The following GPHN variants were observed in gnomAD, a reference collection of about 807,000 sequenced individuals.
GPHN encodes the protein gephyrin.
In GPHN, 17 loss-of-function variants were observed where a neutral mutation model predicts 95.5. The ratio of observed to expected loss-of-function variants is 0.18; its 90% confidence interval spans 0.12 to 0.27. The LOEUF is 0.27. Ranked by LOEUF, GPHN falls within the 10% of genes least tolerant of loss-of-function variation. The pLI is 1.00. For missense variants in GPHN, 660 were observed against 978.1 expected (o/e 0.67, Z 4.34); for synonymous variants, 320 against 322.5 (o/e 0.99, Z 0.08).
intron 4 of GPHN, among the ~76,000 whole-genome samples, chr14:66,866,532 G>A (rs1596203282): frequency 6.6e-6 from 1 of 152,060 alleles, no homozygotes; most frequent in African/African-American, 2.4e-5. Flanking sequence ...TTAATGTTTA[G>A]ATAAAAGTTA....
At chr14:66,946,339 G>A (rs929710351) in intron 8 of GPHN, among the ~76,000 whole-genome samples, 1 of 151,948 alleles carries the variant, frequency 6.6e-6, no homozygotes, top group African/African-American at 2.4e-5. Flanking sequence ...CTAGGTAAAG[G>A]CATTAATCAC....
the GPHN span, among the ~76,000 whole-genome samples, chr14:67,249,774 G>A: frequency 4.6e-5 from 7 of 152,162 alleles, no homozygotes; most frequent in Non-Finnish European, 8.8e-5. Flanking sequence ...GTTTGAGAAT[G>A]TAACTTAAAA....
the GPHN span, among the ~76,000 whole-genome samples, chr14:67,672,384 G>A: frequency 6.6e-6 from 1 of 151,620 alleles, no homozygotes; most frequent in East Asian, 1.9e-4. Context: ...TTCCCCAAGT[G>A]CTGGGATTAC....
At chr14:67,497,757 GAA>G in the GPHN span, among the ~76,000 whole-genome samples, 1 of 151,958 alleles carries the variant, frequency 6.6e-6, no homozygotes, top group East Asian at 1.9e-4. Context: ...CAGCATTTTG[GAA>G]AGTCACGTCA....
At chr14:67,068,462 A>T (rs2076155268) in intron 11 of GPHN, among the ~76,000 whole-genome samples, 1 of 152,194 alleles carries the variant, frequency 6.6e-6, no homozygotes, top group Non-Finnish European at 1.5e-5. Flanking sequence ...TTTATTTGTA[A>T]AATGCATGAC....
chr14:67,504,233 C>T, the GPHN span, among the ~76,000 whole-genome samples: 1 of 151,920 alleles, frequency 6.6e-6, no homozygotes, highest in East Asian at 1.9e-4. Context: ...AGGTTGGTCT[C>T]GGACTTCTGA....
chr14:66,751,730 A>G (rs868804794), intron 2 of GPHN, among the ~76,000 whole-genome samples: 1 of 152,024 alleles, frequency 6.6e-6, no homozygotes, highest in South Asian at 2.1e-4. Context: ...TAATTCTTGA[A>G]GACCCTAGTA....
intron 4 of GPHN, among the ~76,000 whole-genome samples, chr14:66,836,778 G>A (rs1425483126): frequency 6.6e-6 from 1 of 151,906 alleles, no homozygotes; most frequent in African/African-American, 2.4e-5. Flanking sequence ...CAAAAAGAGG[G>A]CGAAGGACAT....
At chr14:66,714,901 G>A (rs530898532) in intron 2 of GPHN, among the ~76,000 whole-genome samples, 1 of 152,158 alleles carries the variant, frequency 6.6e-6, no homozygotes, top group South Asian at 2.1e-4. Context: ...AGGGATTTTA[G>A]CATCGATGTT....
At chr14:67,661,672 G>A in the GPHN span, among the ~76,000 whole-genome samples, 1 of 151,568 alleles carries the variant, frequency 6.6e-6, no homozygotes, top group Non-Finnish European at 1.5e-5. Flanking sequence ...GCTGGGTCCA[G>A]AGGCATGCAC....
chr14:66,678,956 G>A (rs1431430590), intron 1 of GPHN, among the ~76,000 whole-genome samples: 6 of 152,234 alleles, frequency 3.9e-5, no homozygotes, highest in African/African-American at 7.2e-5. Flanking sequence ...TGGCTCCTAA[G>A]GGTTGTGCAC....
At chr14:67,439,680 TGTTTTCTCCA>T in the GPHN span, among the ~76,000 whole-genome samples, 1 of 152,096 alleles carries the variant, frequency 6.6e-6, no homozygotes, top group Admixed American at 6.6e-5. Flanking sequence ...TCTACAGTGA[TGTTTTCTCCA>T]GTTTAGCGCA....
intron 1 of GPHN, among the ~76,000 whole-genome samples, chr14:66,521,971 T>C (rs1007585331): frequency 4.6e-5 from 7 of 152,176 alleles, no homozygotes; most frequent in African/African-American, 1.7e-4. Flanking sequence ...CCTGAGAATG[T>C]AGTTCATTAT....
the GPHN span, chr14:67,576,310 G>A: frequency 1.5e-5 from 11 of 731,026 alleles, no homozygotes; most frequent in South Asian, 3.6e-5. The surrounding 1 kb of genome is among the most constrained non-coding windows in gnomAD (Gnocchi z 4.0). Flanking sequence ...ACATGGGCTT[G>A]GTCCCTTCAA....
At chr14:66,923,050 C>A in intron 7 of GPHN, 112 bp downstream of exon 7, 2 of 909,974 alleles carry the variant, frequency 2.2e-6, no homozygotes, top group East Asian at 2.5e-5. Context: ...TCAGAGAACC[C>A]TAAAAAAATA....
chr14:67,519,714 G>T, the GPHN span, among the ~76,000 whole-genome samples: 22 of 145,088 alleles, frequency 1.5e-4, no homozygotes, highest in Admixed American at 7.5e-4. Context: ...CTGTAAGTTT[G>T]TTTTTTTTTT....
intron 1 of GPHN, among the ~76,000 whole-genome samples, chr14:66,544,965 T>C (rs2059485606): frequency 6.6e-6 from 1 of 152,158 alleles, no homozygotes; most frequent in Admixed American, 6.5e-5. Context: ...CAGAACAAAA[T>C]GAAAAGTCTC....
intron 1 of GPHN, among the ~76,000 whole-genome samples, chr14:66,512,856 T>G (rs946039770): frequency 6.6e-5 from 10 of 151,806 alleles, no homozygotes; most frequent in Non-Finnish European, 1.2e-4. Flanking sequence ...TCAATATTAT[T>G]TTCTGAAAAG....
At chr14:66,773,949 A>G (rs983112118) in intron 2 of GPHN, among the ~76,000 whole-genome samples, 4 of 147,198 alleles carry the variant, frequency 2.7e-5, no homozygotes, top group Admixed American at 1.4e-4. Context: ...ATATTTTGTC[A>G]TCTTGACTGC....
Sources: gnomAD v4.1 joint callset for allele counts (sites outside exome capture counted in the v4.1 genomes callset) on GRCh38, gnomAD v4.1.1 for gene constraint, Gnocchi (gnomAD v3.1) non-coding constraint, MANE v1.5 for transcripts, NCBI Gene and HGNC (gene_info 2026-07-23, HGNC 2026-07-21) for gene names.